Variants in MLLT3 observed in about 807,000 individuals in gnomAD.
MLLT3 encodes the protein MLLT3 super elongation complex subunit.
Under a neutral mutation model 53.2 loss-of-function variants are expected in MLLT3, and 4 were observed. That is an observed-to-expected ratio of 0.08 (90% confidence interval 0.04 to 0.17). The LOEUF (loss-of-function observed/expected upper bound fraction) is 0.17. Among genes scored for constraint, MLLT3 ranks in the 10% least tolerant of loss-of-function variants. MLLT3 has a pLI of 1.00. For synonymous variants in MLLT3, 283 were observed against 230.6 expected, an observed-to-expected ratio of 1.23 and a Z score of -2.06; for missense variants, 569 against 684.0, an observed-to-expected ratio of 0.83 and a Z score of 1.87.
chr9:20,357,981 G>GCGCACA (rs369911145), intron 8 of MLLT3, among the ~76,000 whole-genome samples: 27 of 139,454 alleles, frequency 1.9e-4, no homozygotes, highest in African/African-American at 7.4e-4. Flanking sequence ...TCCCTCCTGC[G>GCGCACA]CACACACACA....
At chr9:20,420,086 A>T (rs1323299772) in intron 4 of MLLT3, among the ~76,000 whole-genome samples, 2 of 149,116 alleles carry the variant, frequency 1.3e-5, no homozygotes, top group Non-Finnish European at 2.9e-5. Flanking sequence ...TTGGATTATG[A>T]GCAATTAGAA....
intron 8 of MLLT3, among the ~76,000 whole-genome samples, chr9:20,356,905 C>T (rs1010210198): frequency 1.7e-4 from 26 of 152,178 alleles, no homozygotes; most frequent in African/African-American, 6.3e-4. Flanking sequence ...GTCAGTGACC[C>T]GCCTCAAGTT....
chr9:20,405,412 A>G (rs1402394294), intron 5 of MLLT3, among the ~76,000 whole-genome samples: 3 of 152,218 alleles, frequency 2.0e-5, no homozygotes, highest in South Asian at 4.1e-4. Flanking sequence ...TATTTTCTCA[A>G]AAGTGTTTAG....
At chr9:20,363,204 T>G (rs890720958) in intron 7 of MLLT3, 1 of 345,056 alleles carries the variant, frequency 2.9e-6, no homozygotes, top group African/African-American at 2.1e-5. Flanking sequence ...CAACAGTCAG[T>G]CCTGCCACTT....
chr9:20,538,686 A>C (rs545501339), intron 2 of MLLT3, among the ~76,000 whole-genome samples: 31 of 152,384 alleles, frequency 2.0e-4, no homozygotes, highest in African/African-American at 7.5e-4. Context: ...AAAATTAAAG[A>C]AGTAAGGCAT....
At chr9:20,424,948 G>C (rs1823106512) in intron 4 of MLLT3, among the ~76,000 whole-genome samples, 1 of 152,174 alleles carries the variant, frequency 6.6e-6, no homozygotes, top group Admixed American at 6.6e-5. Context: ...CGGGCACAAA[G>C]CAGGAACTAT....
intron 4 of MLLT3, among the ~76,000 whole-genome samples, chr9:20,439,191 C>CA (rs948538556): frequency 3.3e-5 from 5 of 151,596 alleles, no homozygotes; most frequent in Admixed American, 2.6e-4. Context: ...CCGACTCTAC[C>CA]AAAAAAATAC....
chr9:20,519,448 T>C (rs932708444), intron 2 of MLLT3, among the ~76,000 whole-genome samples: 11 of 152,194 alleles, frequency 7.2e-5, no homozygotes, highest in Non-Finnish European at 1.2e-4. Flanking sequence ...GATGGAAGCA[T>C]GTCATTATAT....
At chr9:20,444,619 T>C (rs574681122) in intron 4 of MLLT3, among the ~76,000 whole-genome samples, 2 of 152,286 alleles carry the variant, frequency 1.3e-5, no homozygotes, top group Admixed American at 6.5e-5. Flanking sequence ...ACACCTGTAG[T>C]TAGAGCACTT....
intron 2 of MLLT3, among the ~76,000 whole-genome samples, chr9:20,579,599 A>G (rs1376343482): frequency 6.6e-6 from 1 of 152,190 alleles, no homozygotes; most frequent in African/African-American, 2.4e-5. Flanking sequence ...TTTAAAAAAC[A>G]AGAAGTTGAT....
intron 4 of MLLT3, among the ~76,000 whole-genome samples, chr9:20,440,647 T>C (rs529150755): frequency 6.6e-6 from 1 of 152,286 alleles, no homozygotes; most frequent in South Asian, 2.1e-4. Context: ...ACACTTTGTA[T>C]GCATCCTTGA....
Position 20,448,625 on chromosome 9 carries a change from T to C in MLLT3, c.277-359A>G, listed in dbSNP as rs902790477. ...CCATCAAAGGCTGCCATTTTCTCCATAAATATTTCTTCAACAAGCCCTCTA... is the reference window on the plus strand; with the variant it reads ...CCATCAAAGGCTGCCATTTTCTCCACAAATATTTCTTCAACAAGCCCTCTA... On this transcript the variant is annotated intron_variant, in intron 3 of 10. Coordinates refer to ENST00000380338, the MANE Select transcript of MLLT3 (RefSeq NM_004529.4). The surrounding 1 kb of genome is among the most constrained non-coding windows in gnomAD (Gnocchi z 4.0). Among the ~76,000 whole-genome samples the C allele has an allele frequency of 4.4e-4, 67 of 152,164 alleles. No individual in the cohort carries two copies. Among genetic ancestry groups the C allele is most frequent in the African/African-American group, 1.4e-3 (60 of 41,442 alleles).
At chr9:20,557,528 C>A (rs561887294) in intron 2 of MLLT3, among the ~76,000 whole-genome samples, 4 of 152,176 alleles carry the variant, frequency 2.6e-5, no homozygotes, top group African/African-American at 9.7e-5. Flanking sequence ...GTGACTATCA[C>A]CACACCTGGT....
Position 20,621,063 on chromosome 9 carries a change from A to C in MLLT3, c.13-229T>G, listed in dbSNP as rs1049072693. 1.2e-4 allele frequency: 77 copies of C among 668,688 alleles called. No individual in the cohort carries two copies. The Middle Eastern group carries it at 2.3e-3, about 20-fold the overall frequency. The allele number at this position is 668,688 out of a possible 1,614,324, so 41.4% of individuals were successfully genotyped here. ...CAGGCGCCCCGGGCCCCGCATCTAC[A>C]TCGGACAGGATTGTAACGGAATGTT... On this transcript the variant is annotated intron_variant, in intron 1 of 10. Transcript: ENST00000380338. The surrounding 1 kb of genome is among the most constrained non-coding windows in gnomAD (Gnocchi z 7.0).
intron 2 of MLLT3, among the ~76,000 whole-genome samples, chr9:20,463,870 C>T (rs891378928): frequency 6.6e-6 from 1 of 152,112 alleles, no homozygotes; most frequent in Non-Finnish European, 1.5e-5. Flanking sequence ...ACTAGCTACA[C>T]AGAAAATGAT....
At chr9:20,530,096 A>T (rs949391242) in intron 2 of MLLT3, among the ~76,000 whole-genome samples, 1 of 152,204 alleles carries the variant, frequency 6.6e-6, no homozygotes, top group African/African-American at 2.4e-5. Context: ...ACACGTCAAC[A>T]GTTGGGCATA....
chr9:20,563,340 A>T (rs903803282), intron 2 of MLLT3, among the ~76,000 whole-genome samples: 6 of 151,996 alleles, frequency 3.9e-5, no homozygotes, highest in Non-Finnish European at 7.4e-5. Flanking sequence ...AACTAAGAAT[A>T]CCTTTTATTC....
chr9:20,579,006 A>G (rs917463076), intron 2 of MLLT3, among the ~76,000 whole-genome samples: 12 of 152,178 alleles, frequency 7.9e-5, no homozygotes, highest in African/African-American at 2.7e-4. Context: ...TTTCTATTGT[A>G]CAGCGTTGCT....
chr9:20,357,869 G>A (rs997477087), intron 8 of MLLT3, among the ~76,000 whole-genome samples: 14 of 151,786 alleles, frequency 9.2e-5, no homozygotes, highest in Admixed American at 4.6e-4. Flanking sequence ...TTCCCATTTC[G>A]GAGTTAGTCC....
Sources: gnomAD v4.1 joint callset for allele counts (sites outside exome capture counted in the v4.1 genomes callset) on GRCh38, gnomAD v4.1.1 for gene constraint, Gnocchi (gnomAD v3.1) non-coding constraint, MANE v1.5 for transcripts, NCBI Gene and HGNC (gene_info 2026-07-23, HGNC 2026-07-21) for gene names.